The following PTPN12 variants were observed in gnomAD, a reference collection of about 807,000 sequenced individuals.
PTPN12 encodes tyrosine-protein phosphatase non-receptor type 12.
Under a neutral mutation model 97.6 loss-of-function variants are expected in PTPN12, and 29 were observed. The observed-to-expected ratio is 0.30, with a 90% confidence interval of 0.22 to 0.41. PTPN12 has a LOEUF of 0.41. Among genes scored for constraint, PTPN12 ranks in the 10% least tolerant of loss-of-function variants. The pLI is 1.00. For synonymous variants in PTPN12, 327 were observed against 300.4 expected (o/e 1.09, Z -0.91); for missense variants, 819 against 926.0 (o/e 0.88, Z 1.50).
In PTPN12 at chr7:77,581,172, T is replaced by G. The variant is rs117131132; in HGVS notation, c.209-255T>G. Among the ~76,000 whole-genome samples, 2,787 of 152,072 alleles carry G rather than the reference T, an allele frequency of 0.018. 34 individuals carry two copies. The highest frequency in any genetic ancestry group is 0.071 in the Middle Eastern group (21 of 294). The stretch of plus-strand genomic sequence containing the variant: ...ACTGCAACCTCTGCCTCCCAGCCAG[T>G]TTCAAGTGGTTCTCCTGCCACAGCC... On this transcript the variant is annotated intron_variant, in intron 2 of 17. Coordinates refer to ENST00000248594, the MANE Select transcript of PTPN12 (RefSeq NM_002835.4).
At chr7:77,558,527 A>G (rs572124908) in intron 1 of PTPN12, among the ~76,000 whole-genome samples, 3 of 152,252 alleles carry the variant, frequency 2.0e-5, no homozygotes, top group Non-Finnish European at 4.4e-5. Context: ...AAAAGGAAAC[A>G]GATGTGGAGG....
intron 2 of PTPN12, among the ~76,000 whole-genome samples, chr7:77,580,919 C>T (rs1291523873): frequency 6.6e-6 from 1 of 152,130 alleles, no homozygotes; most frequent in Non-Finnish European, 1.5e-5. Context: ...AGGCTGAAAC[C>T]CTAGACTCTG....
chr7:77,558,528 G>C (rs1315968446), intron 1 of PTPN12, among the ~76,000 whole-genome samples: 1 of 152,240 alleles, frequency 6.6e-6, no homozygotes, highest in African/African-American at 2.4e-5. Context: ...AAAGGAAACA[G>C]ATGTGGAGGG....
At chr7:77,626,153 A>G (rs907138005) in intron 12 of PTPN12, among the ~76,000 whole-genome samples, 2 of 152,182 alleles carry the variant, frequency 1.3e-5, no homozygotes, top group Non-Finnish European at 2.9e-5. Context: ...AAGCTGAGTA[A>G]CTGATGATGC....
chr7:77,584,162 T>C (rs1787611174), intron 4 of PTPN12, among the ~76,000 whole-genome samples: 1 of 152,232 alleles, frequency 6.6e-6, no homozygotes, highest in Non-Finnish European at 1.5e-5. Context: ...TGCGAAGAGC[T>C]ACCCTATACT....
chr7:77,544,942 G>A (rs141627421), intron 1 of PTPN12, among the ~76,000 whole-genome samples: 2,001 of 152,222 alleles, frequency 0.013, 18 homozygotes, highest in Non-Finnish European at 0.02. Flanking sequence ...ACACAGATGT[G>A]CTCACATAAC....
At chr7:77,590,901 G>A (rs2151344344) in intron 5 of PTPN12, among the ~76,000 whole-genome samples, 1 of 152,116 alleles carries the variant, frequency 6.6e-6, no homozygotes, top group East Asian at 2.0e-4. Context: ...GCCGGTTGTG[G>A]TGGCACACGC....
intron 12 of PTPN12, among the ~76,000 whole-genome samples, chr7:77,626,318 AAGAT>A (rs1789178784): frequency 6.6e-6 from 1 of 152,208 alleles, no homozygotes; most frequent in Non-Finnish European, 1.5e-5. Flanking sequence ...CAGTATTGGA[AAGAT>A]AGAGAAGGAC....
intron 1 of PTPN12, chr7:77,564,304 AATTTAT>A (rs1293925735): frequency 1.3e-5 from 2 of 152,298 alleles, no homozygotes; most frequent in Non-Finnish European, 2.9e-5. Flanking sequence ...TGCTGCTATT[AATTTAT>A]ATTTGGGGTT....
chr7:77,611,315 C>T (rs540141453), intron 11 of PTPN12, among the ~76,000 whole-genome samples: 30 of 152,280 alleles, frequency 2.0e-4, no homozygotes, highest in South Asian at 4.1e-4. Flanking sequence ...TAATGTTTTA[C>T]TTTTTTAAAA....
At chr7:77,614,147 A>T (rs966323591) in intron 11 of PTPN12, among the ~76,000 whole-genome samples, 3 of 152,122 alleles carry the variant, frequency 2.0e-5, no homozygotes, top group Admixed American at 1.3e-4. Flanking sequence ...AGCCTCCCAA[A>T]GCACTGAGAT....
intron 2 of PTPN12, among the ~76,000 whole-genome samples, chr7:77,573,086 A>ACAAAAC (rs1787205105): frequency 1.2e-5 from 1 of 83,892 alleles, no homozygotes; most frequent in African/African-American, 7.0e-5. Flanking sequence ...CTATCTCAAA[A>ACAAAAC]AAAAAAAAAA....
In PTPN12 at chr7:77,627,440, T is replaced by G. The variant is rs1789237206; in HGVS notation, c.1761T>G (p.Thr587=). The G allele has an allele frequency of 6.2e-7, 1 of 1,614,090 alleles. No homozygotes were observed. Among genetic ancestry groups the G allele is most frequent in the South Asian group, 1.1e-5 (1 of 91,082 alleles). Residue 587 remains threonine (T), a synonymous_variant, in exon 13 of 18, where the codon ACT becomes ACG. Coordinates refer to ENST00000248594, the MANE Select transcript of PTPN12 (RefSeq NM_002835.4). ...CTGATCTTGTGGATCATGATAACAC[T>G]TCACCACTCTTCAGAACACCCCTCA... The part of the protein sequence containing the change: ...ETPDLVDHDN[T]SPLFRTPLSF...
At chr7:77,582,987 T>C (rs1025900541) in intron 3 of PTPN12, among the ~76,000 whole-genome samples, 3 of 152,204 alleles carry the variant, frequency 2.0e-5, no homozygotes, top group South Asian at 4.1e-4. Flanking sequence ...TTAAAAGTTA[T>C]AGTTTTTACT....
chr7:77,579,704 C>T (rs1036323127), intron 2 of PTPN12, among the ~76,000 whole-genome samples: 4 of 152,104 alleles, frequency 2.6e-5, no homozygotes, highest in Non-Finnish European at 4.4e-5. Flanking sequence ...TTTGCACTTC[C>T]TGTGACAGAG....
rs1789368110 is a variant in PTPN12 at position 77,630,669 on chromosome 7, C to CT, written c.1997-1675dup. 6.6e-5 allele frequency among the ~76,000 whole-genome samples: 10 copies of CT among 152,250 alleles called. No individual in the cohort carries two copies. In the South Asian group the frequency reaches 2.1e-3, roughly 32 times the overall value. ...TGTAGTGCATGACTATAATGGAATA[C>CT]TTTTGTATTGATACCTAAAAAAAAC... On this transcript the variant is annotated intron_variant, in intron 13 of 17. Coordinates refer to ENST00000248594, the MANE Select transcript of PTPN12 (RefSeq NM_002835.4).
At chr7:77,602,423 T>TTA (rs1176409225) in intron 8 of PTPN12, among the ~76,000 whole-genome samples, 1 of 152,010 alleles carries the variant, frequency 6.6e-6, no homozygotes, top group Non-Finnish European at 1.5e-5. Context: ...AAATACCCCT[T>TTA]TAAGAGGAAA....
Position 77,639,316 on chromosome 7 carries a change from A to AAAATTCAGGT in PTPN12, c.*37_*46dup. On this transcript the variant is annotated 3_prime_UTR_variant, in exon 18 of 18. Transcript: ENST00000248594. Reference sequence around the variant, plus strand: ...TAGAAGACACTTTAAGTTATACTGGAAAATTCAGGTGCCACTGAAAGCCAG... The same window carrying AAAATTCAGGT: ...TAGAAGACACTTTAAGTTATACTGGAAAATTCAGGTAAATTCAGGTGCCACTGAAAGCCAG... 6.4e-7 allele frequency: 1 copy of AAAATTCAGGT among 1,553,330 alleles called. No individual in the cohort carries two copies. Among genetic ancestry groups the AAAATTCAGGT allele is most frequent in the Non-Finnish European group, 8.9e-7 (1 of 1,128,962 alleles).
chr7:77,574,095 T>G (rs529415112), intron 2 of PTPN12, among the ~76,000 whole-genome samples: 1 of 152,362 alleles, frequency 6.6e-6, no homozygotes, highest in African/African-American at 2.4e-5. Context: ...CAAAAATCCC[T>G]GCCCTTGTGG....
Sources: allele counts gnomAD v4.1 joint callset (sites outside exome capture counted in the v4.1 genomes callset), GRCh38; gene constraint gnomAD v4.1.1; transcripts MANE v1.5; gene names NCBI Gene and HGNC (gene_info 2026-07-23, HGNC 2026-07-21).